CFAP46: variants seen among roughly 807,000 people sequenced by gnomAD.
CFAP46 encodes the protein cilia- and flagella-associated protein 46.
In CFAP46, 245 loss-of-function variants were observed where a neutral mutation model predicts 325.7. The observed-to-expected ratio is 0.75, with a 90% confidence interval of 0.68 to 0.84. The LOEUF is 0.84. Ranked by LOEUF, CFAP46 falls within the 40% of genes least tolerant of loss-of-function variation. The pLI is 0.00. For synonymous variants in CFAP46, 1,523 were observed against 1,495.9 expected (o/e 1.02, Z -0.42); for missense variants, 3,346 against 3,543.0 (o/e 0.94, Z 1.41).
chr10:132,840,398 T>C (rs1848329754), intron 44 of CFAP46, among the ~76,000 whole-genome samples: 1 of 152,224 alleles, frequency 6.6e-6, no homozygotes, highest in Admixed American at 6.5e-5. Flanking sequence ...TGGAACCAAC[T>C]TGTGCCTTGG....
chr10:132,861,820 C>G (rs143163320), intron 35 of CFAP46, among the ~76,000 whole-genome samples: 8 of 152,206 alleles, frequency 5.3e-5, no homozygotes. Context: ...CCTGGGCAGG[C>G]CCCTCCCAGG....
In CFAP46 at chr10:132,832,394, C is replaced by CCG. The variant is rs1564770709; in HGVS notation, c.7117+963_7117+964insCG. ...AGACCCCTGGGCTCTTCCTGCCCCC[C>CCG]CCCCCCAATGCTGTGGCCTGGAAAT... On this transcript the variant is annotated intron_variant, in intron 50 of 57. Transcript: ENST00000368586. The surrounding 1 kb of genome is among the most constrained non-coding windows in gnomAD (Gnocchi z 4.1). 5.0e-5 allele frequency among the ~76,000 whole-genome samples: 7 copies of CCG among 139,444 alleles called. No homozygotes were observed. The highest frequency in any genetic ancestry group is 1.9e-4 in the African/African-American group (7 of 36,842). The allele number at this position is 139,444 out of a possible 152,430, so 91.5% of individuals were successfully genotyped here. A position where few individuals can be genotyped will look rare whatever the true frequency, so the allele number is the denominator to read the frequency against.
chr10:132,865,055 C>T (rs1848794105), intron 35 of CFAP46, among the ~76,000 whole-genome samples: 1 of 152,218 alleles, frequency 6.6e-6, no homozygotes, highest in African/African-American at 2.4e-5. Flanking sequence ...AACTTTTATA[C>T]CATTCTAGGA....
chr10:132,815,732 G>C (rs761532866), intron 50 of CFAP46, among the ~76,000 whole-genome samples: 7 of 152,210 alleles, frequency 4.6e-5, no homozygotes, highest in Non-Finnish European at 1.0e-4. Context: ...GCTGCAGTGA[G>C]CTGTGATTGT....
chr10:132,894,862 G>A lies in CFAP46; in HGVS notation c.3220-2445C>T, dbSNP rs1005569762. Among the ~76,000 whole-genome samples the A allele has an allele frequency of 3.9e-5, 6 of 152,264 alleles. No homozygotes were observed. In the East Asian group the frequency reaches 7.7e-4, roughly 20 times the overall value. On this transcript the variant is annotated intron_variant, in intron 24 of 57. Transcript: ENST00000368586. ...AATCCTGGACTATATGGCTTCATCA[G>A]TGACTCCCATCAAACATTTAAAGAA...
At position 132,927,571 on chromosome 10, in the gene CFAP46, G is replaced by A. The variant is rs540526814; in HGVS notation, c.967-905C>T. On this transcript the variant is annotated intron_variant, in intron 9 of 57. Transcript: ENST00000368586. The stretch of plus-strand genomic sequence containing the variant: ...CAGGCTGTGTGCCCCGGCCTGTCCA[G>A]CGGCTGCAAGCCTCCATGCCACTAA... Among the ~76,000 whole-genome samples the A allele has an allele frequency of 7.2e-5, 11 of 152,350 alleles. No individual in the cohort carries two copies. The East Asian group carries it at 1.9e-3, about 27-fold the overall frequency.
At chr10:132,834,797 G>T (rs1157126646) in intron 47 of CFAP46, 22 bp from the exon 48 acceptor site, 1 of 1,604,822 alleles carries the variant, frequency 6.2e-7, no homozygotes, top group Admixed American at 1.7e-5. Flanking sequence ...CAAAAAAGAG[G>T]CCCCCGTAGC....
In CFAP46 at chr10:132,941,458, G is replaced by A. The variant is rs12260364; in HGVS notation, c.306+133C>T. 9.3e-4 allele frequency: 1,128 copies of A among 1,218,998 alleles called. 4 individuals are homozygous for A. Among genetic ancestry groups the A allele is most frequent in the African/African-American group, 2.7e-3 (177 of 65,922 alleles). 75.5% of individuals were successfully genotyped at this position (1,218,998 alleles called of 1,614,324 possible). A position where few individuals can be genotyped will look rare whatever the true frequency, so the allele number is the denominator to read the frequency against. The stretch of plus-strand genomic sequence containing the variant: ...ATGGACAGGAAATGGTGCAAGTTTC[G>A]TGTCACTCTGGAAAGGAATTCCTTC... On this transcript the variant is annotated intron_variant, in intron 3 of 57. Coordinates refer to ENST00000368586, the MANE Select transcript of CFAP46 (RefSeq NM_001200049.3).
At chr10:132,820,830 GTGC>G (rs575858890) in intron 50 of CFAP46, among the ~76,000 whole-genome samples, 81 of 145,756 alleles carry the variant, frequency 5.6e-4, no homozygotes, top group African/African-American at 2.0e-3. Flanking sequence ...TGTGTGCTGA[GTGC>G]TGATGTGTGC....
At chr10:132,846,332 G>C in intron 43 of CFAP46, 105 bp from the exon 44 acceptor site, 1 of 1,372,546 alleles carries the variant, frequency 7.3e-7, no homozygotes, top group Non-Finnish European at 9.8e-7. Context: ...GCAGGAGTGG[G>C]CTGGCTCTCC....
chr10:132,810,600 TG>T, intron 56 of CFAP46, 111 bp from the exon 57 acceptor site: 1 of 952,134 alleles, frequency 1.1e-6, no homozygotes, highest in Non-Finnish European at 1.7e-6. Context: ...CATAAGACGC[TG>T]GCCCGCAGCG....
chr10:132,935,122 C>T (rs989840033), intron 7 of CFAP46, among the ~76,000 whole-genome samples: 1 of 152,084 alleles, frequency 6.6e-6, no homozygotes, highest in Admixed American at 6.5e-5. Flanking sequence ...GAGTCAGCAC[C>T]CCACATAGGA....
At position 132,820,674 on chromosome 10, in the gene CFAP46, A is replaced by G. The variant is rs373044709; in HGVS notation, c.7118-5760T>C. 7.3e-4 allele frequency among the ~76,000 whole-genome samples: 50 copies of G among 68,586 alleles called. 2 individuals carry two copies. The highest frequency in any genetic ancestry group is 0.014 in the Middle Eastern group (1 of 72). 45.0% of individuals were successfully genotyped at this position (68,586 alleles called of 152,430 possible). A position where few individuals can be genotyped will look rare whatever the true frequency, so the allele number is the denominator to read the frequency against. ...GAGTGCTGATGTGTGCTGTGTGTGC[A>G]CTGATGTGTGCTGTGTGTGCTGATG... On this transcript the variant is annotated intron_variant, in intron 50 of 57. Coordinates refer to ENST00000368586, the MANE Select transcript of CFAP46 (RefSeq NM_001200049.3).
intron 22 of CFAP46, among the ~76,000 whole-genome samples, chr10:132,907,590 TG>T (rs1291369801): frequency 6.6e-6 from 1 of 152,232 alleles, no homozygotes; most frequent in African/African-American, 2.4e-5. Context: ...ACTTCAAAGC[TG>T]TATGTCGTTA....
intron 24 of CFAP46, 123 bp downstream of exon 24, chr10:132,898,836 T>G (rs1008495822): frequency 7.6e-7 from 1 of 1,318,736 alleles, no homozygotes; most frequent in East Asian, 2.5e-5. Flanking sequence ...CCTCGGCTGG[T>G]GCTGGTGCAC....
At chr10:132,913,508 G>T (rs1046806726) in intron 17 of CFAP46, among the ~76,000 whole-genome samples, 1 of 152,150 alleles carries the variant, frequency 6.6e-6, no homozygotes, top group African/African-American at 2.4e-5. Flanking sequence ...TGCGATCAGC[G>T]CATTCCAAGG....
chr10:132,873,552 C>T (rs1222856335), intron 31 of CFAP46, among the ~76,000 whole-genome samples: 2 of 152,184 alleles, frequency 1.3e-5, no homozygotes, highest in Admixed American at 6.5e-5. Context: ...TGCTCCGCAT[C>T]GTGCTGCAGG....
intron 35 of CFAP46, among the ~76,000 whole-genome samples, chr10:132,865,466 G>A (rs1848798864): frequency 6.6e-6 from 1 of 152,206 alleles, no homozygotes; most frequent in South Asian, 2.1e-4. Context: ...ACAAAGCCTG[G>A]CAGGAACCAG....
At chr10:132,904,991 CTCA>C (rs1211536977) in intron 22 of CFAP46, among the ~76,000 whole-genome samples, 2 of 152,178 alleles carry the variant, frequency 1.3e-5, no homozygotes, top group Non-Finnish European at 2.9e-5. Context: ...ACGCCAGCCT[CTCA>C]TCTTCTGGTC....
Sources: gnomAD v4.1 joint callset for allele counts (sites outside exome capture counted in the v4.1 genomes callset) on GRCh38, gnomAD v4.1.1 for gene constraint, Gnocchi (gnomAD v3.1) non-coding constraint, MANE v1.5 for transcripts, NCBI Gene and HGNC (gene_info 2026-07-23, HGNC 2026-07-21) for gene names.